The following DEPTOR variants were observed in gnomAD, a reference collection of about 807,000 sequenced individuals.
DEPTOR encodes DEP domain containing MTOR interacting protein.
A neutral mutation model predicts 41.6 loss-of-function variants in DEPTOR; 41 were observed. The observed-to-expected ratio is 0.98, with a 90% CI of 0.77 to 1.28. DEPTOR has a LOEUF of 1.28. DEPTOR is among the 50% of genes most tolerant of loss of function. DEPTOR has a pLI of 0.00. For synonymous variants in DEPTOR, 195 were observed against 192.3 expected (o/e 1.01, Z -0.12); for missense variants, 514 against 527.9 (o/e 0.97, Z 0.26).
intron 3 of DEPTOR, among the ~76,000 whole-genome samples, chr8:119,954,646 T>C (rs902862572): frequency 2.0e-5 from 3 of 152,178 alleles, no homozygotes; most frequent in African/African-American, 7.2e-5. Flanking sequence ...TTTTTCCCAG[T>C]GTACAAGGAG....
intron 3 of DEPTOR, among the ~76,000 whole-genome samples, chr8:119,961,431 A>C (rs1828491007): frequency 6.6e-6 from 1 of 151,562 alleles, no homozygotes; most frequent in Non-Finnish European, 1.5e-5. Flanking sequence ...AAAAAAAAAA[A>C]AAGTGGCTTG....
At chr8:120,045,373 T>TA in intron 8 of DEPTOR, among the ~76,000 whole-genome samples, 2 of 152,328 alleles carry the variant, frequency 1.3e-5, no homozygotes, top group East Asian at 3.9e-4. Context: ...TTTTATTTTT[T>TA]ATCTTTTATG....
intron 1 of DEPTOR, among the ~76,000 whole-genome samples, chr8:119,924,909 G>C (rs543426219): frequency 1.3e-5 from 2 of 152,184 alleles, no homozygotes; most frequent in Admixed American, 6.5e-5. Flanking sequence ...CACTCAAGTA[G>C]GCCCCTGTAT....
At position 119,889,181 on chromosome 8, in the gene DEPTOR, C is replaced by T. The variant is rs1827414083; in HGVS notation, c.122+15213C>T. On this transcript the variant is annotated intron_variant, in intron 1 of 8. Coordinates refer to ENST00000286234, the MANE Select transcript of DEPTOR (RefSeq NM_022783.4). The stretch of plus-strand genomic sequence containing the variant: ...AGGGAGTATTGAAGATGTTATCAGG[C>T]ATCCTTGGCAAAGAAGGACACTTAA... Among the ~76,000 whole-genome samples, 6 of 152,222 alleles carry T rather than the reference C, an allele frequency of 3.9e-5. No individual in the cohort carries two copies. The South Asian group carries it at 1.2e-3, about 32-fold the overall frequency.
At chr8:119,967,069 G>A (rs1433100212) in intron 4 of DEPTOR, among the ~76,000 whole-genome samples, 1 of 151,438 alleles carries the variant, frequency 6.6e-6, no homozygotes, top group Non-Finnish European at 1.5e-5. Flanking sequence ...AGTCTTTTTT[G>A]TTTTGTTTTG....
chr8:119,941,974 C>G (rs1018434397), intron 3 of DEPTOR, among the ~76,000 whole-genome samples: 1 of 152,212 alleles, frequency 6.6e-6, no homozygotes. Flanking sequence ...AAGTGTCTGT[C>G]ACTTGGCTCA....
At chr8:119,936,043 A>T (rs1367392365) in intron 3 of DEPTOR, among the ~76,000 whole-genome samples, 1 of 140,430 alleles carries the variant, frequency 7.1e-6, no homozygotes, top group African/African-American at 2.7e-5. Flanking sequence ...TGATTTTCTC[A>T]GCAGCAGGAG....
Position 120,003,113 on chromosome 8 carries a change from T to C in DEPTOR, c.925+2T>C, listed in dbSNP as rs1207854809. ...CTGTGCTCTGCAACCCCAAGTCCGG[T>C]GAGTGCCCAAAAGGTGGCCCCGCTC... On this transcript the variant is annotated splice_donor_variant, in intron 6 of 8. Transcript: ENST00000286234. LOFTEE classifies it high-confidence loss of function. 1 of 1,611,376 alleles carries C rather than the reference T, an allele frequency of 6.2e-7. No homozygotes were observed.
At chr8:120,011,404 G>A (rs1812529995) in intron 8 of DEPTOR, among the ~76,000 whole-genome samples, 1 of 152,220 alleles carries the variant, frequency 6.6e-6, no homozygotes, top group Non-Finnish European at 1.5e-5. Flanking sequence ...GCAACTCAGA[G>A]TAGGAATGTT....
At chr8:119,997,183 G>T (rs1021542999) in intron 4 of DEPTOR, among the ~76,000 whole-genome samples, 6 of 151,850 alleles carry the variant, frequency 4.0e-5, no homozygotes, top group African/African-American at 1.5e-4. Context: ...GGCCTCAAGC[G>T]ATCCTCCCAT....
chr8:120,009,630 A>AAACAAAAC, intron 8 of DEPTOR, among the ~76,000 whole-genome samples: 1 of 150,376 alleles, frequency 6.6e-6, no homozygotes, highest in South Asian at 2.1e-4. Flanking sequence ...AAACAAAACA[A>AAACAAAAC]AACAACAACA....
chr8:119,979,708 A>C (rs1298369931), intron 4 of DEPTOR, among the ~76,000 whole-genome samples: 2 of 151,522 alleles, frequency 1.3e-5, no homozygotes, highest in Non-Finnish European at 2.9e-5. Context: ...TATTTTAGCC[A>C]CTCCCCAAGC....
Position 120,001,553 on chromosome 8 carries a change from C to T in DEPTOR, c.633C>T (p.Ser211=), listed in dbSNP as rs1346868705. The T allele has an allele frequency of 3.7e-6, 6 of 1,612,684 alleles. No homozygotes were observed. Among genetic ancestry groups the T allele is most frequent in the Non-Finnish European group, 5.1e-6 (6 of 1,179,446 alleles). Residue 211 remains serine (S), a synonymous_variant, in exon 5 of 9, where the codon AGC becomes AGT. Coordinates refer to ENST00000286234, the MANE Select transcript of DEPTOR (RefSeq NM_022783.4). ...HVSNKHPFVD[S]NLLYQFRMNF... is the part of the protein sequence containing the mutation. ...CCAACAAGCACCCATTTGTGGACAG[C>T]AATCTTCTCTACCAGTTCAGAATGA...
At chr8:119,986,162 G>A (rs982257685) in intron 4 of DEPTOR, among the ~76,000 whole-genome samples, 4 of 151,992 alleles carry the variant, frequency 2.6e-5, no homozygotes, top group Non-Finnish European at 5.9e-5. Flanking sequence ...GCAGTGGCTC[G>A]TACTGGTTGT....
chr8:120,029,332 G>T (rs1440944505), intron 8 of DEPTOR, among the ~76,000 whole-genome samples: 1 of 152,138 alleles, frequency 6.6e-6, no homozygotes, highest in East Asian at 1.9e-4. Context: ...CCTGAGGAAG[G>T]TTCAAGGAGG....
intron 1 of DEPTOR, among the ~76,000 whole-genome samples, chr8:119,882,228 GT>G (rs1276990388): frequency 6.6e-6 from 1 of 152,052 alleles, no homozygotes; most frequent in African/African-American, 2.4e-5. Flanking sequence ...GCTGATATAA[GT>G]TATGGCTTCC....
chr8:119,929,167 T>A (rs1828006993), intron 2 of DEPTOR, among the ~76,000 whole-genome samples: 1 of 152,180 alleles, frequency 6.6e-6, no homozygotes, highest in East Asian at 1.9e-4. Context: ...TCTCAGTGGG[T>A]TCAATGAAGA....
intron 4 of DEPTOR, among the ~76,000 whole-genome samples, chr8:119,973,464 G>A (rs529001659): frequency 4.6e-5 from 7 of 152,256 alleles, no homozygotes; most frequent in Admixed American, 1.3e-4. Flanking sequence ...TTGAACTTCT[G>A]GGCTCAAGCG....
At position 120,030,497 on chromosome 8, in the gene DEPTOR, G is replaced by GTTTGTTTTTTTTTTTTTTTTTTTTTTT. The variant is rs1207108457; in HGVS notation, c.1102-19076_1102-19075insGTTTTTTTTTTTTTTTTTTTTTTTTTT. ...AATGATGTATTGTGTAGGTTCATCA[G>GTTTGTTTTTTTTTTTTTTTTTTTTTTT]TTTTTTTTTTTTTTTTTTTTTTTTT... is the stretch of plus-strand genomic sequence containing the variant. On this transcript the variant is annotated intron_variant, in intron 8 of 8. Coordinates refer to ENST00000286234, the MANE Select transcript of DEPTOR (RefSeq NM_022783.4). 1.5e-4 allele frequency among the ~76,000 whole-genome samples: 7 copies of GTTTGTTTTTTTTTTTTTTTTTTTTTTT among 46,216 alleles called. 1 individual carries two copies. In the East Asian group the frequency reaches 2.0e-3, roughly 13 times the overall value. 30.3% of individuals were successfully genotyped at this position (46,216 alleles called of 152,430 possible). A position where few individuals can be genotyped will look rare whatever the true frequency, so the allele number is the denominator to read the frequency against.
Sources: gnomAD v4.1 joint callset for allele counts (sites outside exome capture counted in the v4.1 genomes callset) on GRCh38, gnomAD v4.1.1 for gene constraint, MANE v1.5 for transcripts, NCBI Gene and HGNC (gene_info 2026-07-23, HGNC 2026-07-21) for gene names.